Variants in CEACAM21 observed in about 807,000 individuals in gnomAD.
CEACAM21 encodes the protein CEA cell adhesion molecule 21, also known as cell adhesion molecule CEACAM21.
CEACAM21 carries 38 observed loss-of-function variants against 33.2 expected under a neutral mutation model. That is an observed-to-expected ratio of 1.14 (90% CI 0.88 to 1.50). The LOEUF is 1.50. Ranked by LOEUF, CEACAM21 falls within the 40% of genes most tolerant of loss-of-function variation. The probability of loss-of-function intolerance (pLI) is 0.00; values close to 1 mark genes in which losing one functional copy is unlikely to be tolerated. For synonymous variants in CEACAM21, 156 were observed against 143.0 expected (o/e 1.09, Z -0.65); for missense variants, 385 against 364.6 (o/e 1.06, Z -0.46).
At chr19:41,569,234 C>T (rs1238318098) in intron 2 of CEACAM21, among the ~76,000 whole-genome samples, 1 of 150,004 alleles carries the variant, frequency 6.7e-6, no homozygotes, top group African/African-American at 2.5e-5. Context: ...TTTTTTGAGA[C>T]AGGGTCTCGC....
intron 2 of CEACAM21, among the ~76,000 whole-genome samples, chr19:41,571,155 C>T (rs1324180269): frequency 6.6e-6 from 1 of 152,168 alleles, no homozygotes; most frequent in African/African-American, 2.4e-5. Flanking sequence ...CAAATGTCCC[C>T]TAGAGGGCAA....
upstream of CEACAM21, among the ~76,000 whole-genome samples, chr19:41,575,382 A>G (rs80125093): frequency 4.2e-3 from 637 of 152,330 alleles, 7 homozygotes; most frequent in African/African-American, 0.015. Context: ...TGGGAAACAA[A>G]CACTCGCCCT....
At chr19:41,583,179 C>A (rs1426047461) in intron 3 of CEACAM21, among the ~76,000 whole-genome samples, 1 of 152,156 alleles carries the variant, frequency 6.6e-6, no homozygotes, top group African/African-American at 2.4e-5. Context: ...ATCTCTAGGG[C>A]AGGGGCAAAA....
intron 1 of CEACAM21, among the ~76,000 whole-genome samples, chr19:41,549,809 C>T (rs2041113247): frequency 6.6e-6 from 1 of 152,180 alleles, no homozygotes; most frequent in Non-Finnish European, 1.5e-5. Context: ...CCTTCTGTCT[C>T]CATCTCCTGA....
intron 1 of CEACAM21, among the ~76,000 whole-genome samples, chr19:41,556,508 T>C (rs1350131619): frequency 6.6e-6 from 1 of 152,200 alleles, no homozygotes; most frequent in Admixed American, 6.5e-5. Context: ...TAGAGCTCTT[T>C]GAAAAAGAAA....
intron 2 of CEACAM21, chr19:41,565,739 C>T (rs2042217058): frequency 6.6e-6 from 1 of 152,050 alleles, no homozygotes; most frequent in Non-Finnish European, 1.5e-5. Context: ...GATTATCAAC[C>T]ACTTGACTGT....
Position 41,579,684 on chromosome 19 carries a change from G to A in CEACAM21, c.700+56G>A, listed in dbSNP as rs1053051897. The A allele has an allele frequency of 2.1e-5, 25 of 1,216,146 alleles. No homozygotes were observed. The South Asian group carries it at 2.4e-4, about 12-fold the overall frequency. The allele number at this position is 1,216,146 out of a possible 1,614,324, so 75.3% of individuals were successfully genotyped here. On this transcript the variant is annotated intron_variant, in intron 3 of 6. Coordinates refer to ENST00000401445, the MANE Select transcript of CEACAM21 (RefSeq NM_001098506.4). ...TCCTTGTATATTTTCCTAGGAGGGAGGGGGGGTGTAAAATGATACACGGAA... is the reference window on the plus strand; with the variant it reads ...TCCTTGTATATTTTCCTAGGAGGGAAGGGGGGTGTAAAATGATACACGGAA...
chr19:41,583,977 C>T lies in CEACAM21; in HGVS notation c.701-370C>T, dbSNP rs2070513550. 2.6e-5 allele frequency among the ~76,000 whole-genome samples: 4 copies of T among 152,266 alleles called. No homozygotes were observed. The South Asian group carries it at 6.2e-4, about 24-fold the overall frequency. On this transcript the variant is annotated intron_variant, in intron 3 of 6. Transcript: ENST00000401445. ...CTGAAAACAGTCAATGAACATCATC[C>T]CTGCTCATCAGCATTGAGTTGGCAG...
chr19:41,562,798 G>A (rs149982483), intron 1 of CEACAM21, among the ~76,000 whole-genome samples: 5 of 151,716 alleles, frequency 3.3e-5, no homozygotes. Flanking sequence ...GCGCGATCTC[G>A]GCGCAGTGCA....
At chr19:41,554,307 AG>A (rs1349581672) in intron 1 of CEACAM21, among the ~76,000 whole-genome samples, 2 of 152,064 alleles carry the variant, frequency 1.3e-5, no homozygotes, top group Non-Finnish European at 2.9e-5. Context: ...CCTTCTAAAG[AG>A]GGCCAAAACA....
chr19:41,571,333 A>G (rs1009357225), upstream of CEACAM21, among the ~76,000 whole-genome samples: 9 of 152,248 alleles, frequency 5.9e-5, no homozygotes, highest in African/African-American at 1.9e-4. Flanking sequence ...TACCAGGAGA[A>G]GGCATGTTTA....
At chr19:41,568,231 G>A (rs2122196314) in intron 2 of CEACAM21, among the ~76,000 whole-genome samples, 2 of 152,070 alleles carry the variant, frequency 1.3e-5, no homozygotes, top group Middle Eastern at 3.4e-3. Flanking sequence ...TTTGTAGGTT[G>A]TCTCTTTGCT....
chr19:41,559,170 G>T (rs890322995), intron 1 of CEACAM21, among the ~76,000 whole-genome samples: 1 of 152,148 alleles, frequency 6.6e-6, no homozygotes, highest in Non-Finnish European at 1.5e-5. Flanking sequence ...AGGAAATTTT[G>T]CCATATATTA....
chr19:41,549,982 C>T (rs979234088), intron 1 of CEACAM21, among the ~76,000 whole-genome samples: 1 of 152,016 alleles, frequency 6.6e-6, no homozygotes, highest in African/African-American at 2.4e-5. Context: ...TGTGATACAC[C>T]CTCTCATAGG....
chr19:41,579,161 C>G (rs1194091461), intron 2 of CEACAM21, 192 bp from the exon 3 acceptor site: 4 of 869,586 alleles, frequency 4.6e-6, no homozygotes, highest in Non-Finnish European at 7.0e-6. Flanking sequence ...CTGGGTCCTC[C>G]TGGTCCCTGG....
At chr19:41,584,474 T>A in intron 4 of CEACAM21, 31 bp downstream of exon 4, 1 of 1,567,218 alleles carries the variant, frequency 6.4e-7, no homozygotes, top group East Asian at 2.3e-5. Context: ...TCTGCTCCCA[T>A]CCTTCACGCT....
At chr19:41,568,077 G>A (rs2042380281) in intron 2 of CEACAM21, among the ~76,000 whole-genome samples, 1 of 152,076 alleles carries the variant, frequency 6.6e-6, no homozygotes, top group Non-Finnish European at 1.5e-5. Flanking sequence ...TTGAGGATGG[G>A]ACTGTGGATG....
chr19:41,572,371 C>T (rs1555789703), upstream of CEACAM21, among the ~76,000 whole-genome samples: 1 of 152,122 alleles, frequency 6.6e-6, no homozygotes, highest in African/African-American at 2.4e-5. Flanking sequence ...CCTGGGTCAC[C>T]CCCTCCCAGA....
Position 41,586,781 on chromosome 19 carries a change from A to C in CEACAM21, c.*318A>C. ...AAGTGGGGGCTTGCAGGGAAAGTGA[A>C]TGGGCCTATGGCCCACCCGGGGTCA... On this transcript the variant is annotated 3_prime_UTR_variant, in exon 7 of 7. Transcript: ENST00000401445. The C allele has an allele frequency of 2.9e-6, 1 of 343,392 alleles. No homozygotes were observed. Among genetic ancestry groups the C allele is most frequent in the South Asian group, 2.5e-5 (1 of 40,664 alleles). 21.3% of individuals were successfully genotyped at this position (343,392 alleles called of 1,614,324 possible).
Sources: allele counts gnomAD v4.1 joint callset (sites outside exome capture counted in the v4.1 genomes callset), GRCh38; gene constraint gnomAD v4.1.1; transcripts MANE v1.5; gene names NCBI Gene and HGNC (gene_info 2026-07-23, HGNC 2026-07-21).